The following LRCH2 variants were observed in gnomAD, a reference collection of about 807,000 sequenced individuals.
LRCH2 encodes the protein leucine rich repeats and calponin homology domain containing 2.
A neutral mutation model predicts 68.9 loss-of-function variants in LRCH2; 38 were observed. The observed-to-expected ratio is 0.55, with a 90% CI of 0.43 to 0.72. LRCH2 has a LOEUF of 0.72. LRCH2 is among the 30% of genes least tolerant of loss of function. The probability of loss-of-function intolerance (pLI) is 0.00; values close to 1 mark genes in which losing one functional copy is unlikely to be tolerated. For missense variants in LRCH2, 528 were observed against 572.9 expected, an observed-to-expected ratio of 0.92 and a Z score of 0.80; for synonymous variants, 191 against 208.1, an observed-to-expected ratio of 0.92 and a Z score of 0.71.
chrX:115,163,536 A>G (rs988923742), intron 11 of LRCH2, 140 bp downstream of exon 11: 1 of 391,976 alleles, frequency 2.6e-6, no homozygotes, highest in African/African-American at 2.5e-5. Context: ...GGAATACTCA[A>G]TCTGTAGTTA....
chrX:115,218,194 A>C, intron 1 of LRCH2, among the ~76,000 whole-genome samples: 1 of 111,646 alleles, frequency 9.0e-6, no homozygotes, highest in Non-Finnish European at 1.9e-5. Context: ...TTCATGTAAC[A>C]TTTTTTAAAC....
Position 115,191,743 on chromosome X carries a change from A to T in LRCH2, c.350-3373T>A, listed in dbSNP as rs782265928. ...CTACAGTGGGGGCCATGACAGTTCC[A>T]GCCGGAGCCACCGCTACGGAGGAGG... is the stretch of plus-strand genomic sequence containing the variant. On this transcript the variant is annotated intron_variant, in intron 1 of 20. Coordinates refer to ENST00000317135, the MANE Select transcript of LRCH2 (RefSeq NM_020871.4). 4.4e-5 allele frequency: 51 copies of T among 1,154,365 alleles called. No individual in the cohort carries two copies. In the East Asian group the frequency reaches 1.6e-3, roughly 35 times the overall value.
chrX:115,156,642 T>C lies in LRCH2; in HGVS notation c.1489A>G (p.Met497Val), dbSNP rs1388034574. The part of the protein sequence containing the change: ...NRILNHSTSV[M>V]RNKPKQTVEC... ...ACAGTTTGTTTTGGCTTGTTTCTCATCACAGAAGTTGAATGATTAAGAATC... is the reference window on the plus strand; with the variant it reads ...ACAGTTTGTTTTGGCTTGTTTCTCACCACAGAAGTTGAATGATTAAGAATC... Residue 497 changes from methionine to valine, a missense_variant, in exon 12 of 21, where the codon ATG (methionine) becomes GTG (valine). Physicochemically the swap from Met to Val is conservative, Grantham distance 21. Transcript: ENST00000317135. 7.0e-6 allele frequency: 8 copies of C among 1,136,367 alleles called. No individual in the cohort carries two copies. The highest frequency in any genetic ancestry group is 7.0e-6 in the Non-Finnish European group (6 of 857,202). 93.6% of individuals were successfully genotyped at this position (1,136,367 alleles called of 1,213,427 possible).
At chrX:115,228,930 T>A (rs782728013) in intron 1 of LRCH2, among the ~76,000 whole-genome samples, 3 of 111,241 alleles carry the variant, frequency 2.7e-5, no homozygotes, top group Non-Finnish European at 5.7e-5. Flanking sequence ...TATATTATAG[T>A]GAAATTCTTT....
chrX:115,197,145 C>T (rs184604711), intron 1 of LRCH2, among the ~76,000 whole-genome samples: 1 of 111,902 alleles, frequency 8.9e-6, no homozygotes, highest in African/African-American at 3.2e-5. Flanking sequence ...AAAAAAGTCC[C>T]CCATCCACGT....
In LRCH2 at chrX:115,206,764, G is replaced by A. The variant is rs181972686; in HGVS notation, c.350-18394C>T. Among the ~76,000 whole-genome samples the A allele has an allele frequency of 3.0e-3, 326 of 109,600 alleles. 1 individual carries two copies. The highest frequency in any genetic ancestry group is 0.011 in the African/African-American group (317 of 30,062). The stretch of plus-strand genomic sequence containing the variant: ...GTGTGTCTTTAATTCCTCTAGCGCC[G>A]CTGGGTTAGGGTCTCCACAACTGAG... On this transcript the variant is annotated intron_variant, in intron 1 of 20. Coordinates refer to ENST00000317135, the MANE Select transcript of LRCH2 (RefSeq NM_020871.4).
intron 3 of LRCH2, among the ~76,000 whole-genome samples, 189 bp from the exon 4 acceptor site, chrX:115,179,940 T>G (rs1487669352): frequency 9.0e-6 from 1 of 110,761 alleles, no homozygotes; most frequent in Non-Finnish European, 1.9e-5. Context: ...GCCGACCTAG[T>G]ACAGTAAATA....
intron 20 of LRCH2, among the ~76,000 whole-genome samples, chrX:115,118,187 A>C (rs1379585603): frequency 9.1e-6 from 1 of 110,351 alleles, no homozygotes; most frequent in Non-Finnish European, 1.9e-5. Flanking sequence ...TCTCTAAAAA[A>C]AGGGTTTTTT....
rs1210287643 is a variant in LRCH2, at chrX:115,136,460, AT to A, written c.1696-6262del. Among the ~76,000 whole-genome samples the A allele has an allele frequency of 2.7e-5, 3 of 109,655 alleles. No individual in the cohort carries two copies. The Admixed American group carries it at 2.9e-4, about 11-fold the overall frequency. ...GATATCTAAACAGTTGTTACACTATATTTTTTATTTGTATTATTTTTACCTT... is the reference window on the plus strand; with the variant it reads ...GATATCTAAACAGTTGTTACACTATATTTTTATTTGTATTATTTTTACCTT... On this transcript the variant is annotated intron_variant, in intron 14 of 20. Coordinates refer to ENST00000317135, the MANE Select transcript of LRCH2 (RefSeq NM_020871.4).
chrX:115,135,856 T>C (rs1199145272), intron 14 of LRCH2, among the ~76,000 whole-genome samples: 3 of 112,132 alleles, frequency 2.7e-5, no homozygotes, highest in Non-Finnish European at 5.6e-5. Context: ...GCTCAGATAA[T>C]TGTGAGTAAT....
At chrX:115,190,703 G>A (rs2072793442) in intron 1 of LRCH2, 2 of 1,147,652 alleles carry the variant, frequency 1.7e-6, no homozygotes, top group East Asian at 3.3e-5. Context: ...GGAGGAGAAG[G>A]CCGCTATGAG....
In LRCH2 at chrX:115,231,535, T is replaced by C. The variant is rs187082641; in HGVS notation, c.349+2158A>G. Reference sequence around the variant, plus strand: ...AATGAAAAAAAAGAGCAGCACAAGATCTTGTTTACTCTGATTTTTGAAATG... The same window carrying C: ...AATGAAAAAAAAGAGCAGCACAAGACCTTGTTTACTCTGATTTTTGAAATG... On this transcript the variant is annotated intron_variant, in intron 1 of 20. Coordinates refer to ENST00000317135, the MANE Select transcript of LRCH2 (RefSeq NM_020871.4). Among the ~76,000 whole-genome samples the C allele has an allele frequency of 1.1e-3, 127 of 111,729 alleles. 1 individual carries two copies. The highest frequency in any genetic ancestry group is 2.1e-3 in the Non-Finnish European group (109 of 53,093).
chrX:115,143,217 T>G (rs781889475), intron 14 of LRCH2, among the ~76,000 whole-genome samples: 1 of 111,413 alleles, frequency 9.0e-6, no homozygotes, highest in Non-Finnish European at 1.9e-5. Context: ...ACTGAGAAGA[T>G]AAACAAAATT....
At chrX:115,145,691 C>T (rs1556535828) in intron 14 of LRCH2, among the ~76,000 whole-genome samples, 1 of 111,754 alleles carries the variant, frequency 8.9e-6, no homozygotes, top group Admixed American at 9.5e-5. Context: ...CGAAAAGGTG[C>T]TCAACATCAT....
intron 1 of LRCH2, among the ~76,000 whole-genome samples, chrX:115,224,503 T>G (rs2073105773): frequency 9.1e-6 from 1 of 109,445 alleles, no homozygotes; most frequent in African/African-American, 3.3e-5. Context: ...GGCAACATGA[T>G]GAAACCCTGT....
intron 12 of LRCH2, among the ~76,000 whole-genome samples, chrX:115,153,274 T>C (rs138528940): frequency 0.11 from 11,453 of 108,278 alleles, 606 homozygotes; most frequent in Non-Finnish European, 0.16. Context: ...CAGTGAGCTG[T>C]GATGGCGCCA....
rs888668571 is a variant in LRCH2 at position 115,111,305 on chromosome X, C to T, written c.*1911G>A. On this transcript the variant is annotated 3_prime_UTR_variant, in exon 21 of 21. Transcript: ENST00000317135. ...TGAAATGTTATAAGAAAATGGCCTA[C>T]AATTTCACTACTACTTCAAAGATAT... is the stretch of plus-strand genomic sequence containing the variant. 2 of 110,721 alleles carry T rather than the reference C, an allele frequency of 1.8e-5. No homozygotes were observed. The highest frequency in any genetic ancestry group is 2.0e-4 in the Admixed American group (2 of 10,220). The allele number at this position is 110,721 out of a possible 1,213,427, so 9.1% of individuals were successfully genotyped here.
rs140989048 is a variant in LRCH2 at position 115,139,686 on chromosome X, G to T, written c.1696-9487C>A. ...CAGGGAGAGAAAGCCTGTATACTTG[G>T]GGGAGGGAGAGCACAGGGACTGGGG... On this transcript the variant is annotated intron_variant, in intron 14 of 20. Coordinates refer to ENST00000317135, the MANE Select transcript of LRCH2 (RefSeq NM_020871.4). Among the ~76,000 whole-genome samples the T allele has an allele frequency of 4.5e-3, 497 of 111,022 alleles. 4 individuals are homozygous for T. Among genetic ancestry groups the T allele is most frequent in the African/African-American group, 0.015 (458 of 30,509 alleles).
Position 115,233,681 on chromosome X carries a change from C to T in LRCH2, c.349+12G>A, listed in dbSNP as rs368872702. On this transcript the variant is annotated intron_variant, in intron 1 of 20. Coordinates refer to ENST00000317135, the MANE Select transcript of LRCH2 (RefSeq NM_020871.4). ...CCTTCACAGCCAGCTTCCCCTCCCCCCGTCCTGTCACCTGCTTGGGTGGTG... is the reference window on the plus strand; with the variant it reads ...CCTTCACAGCCAGCTTCCCCTCCCCTCGTCCTGTCACCTGCTTGGGTGGTG... 8.8e-7 allele frequency: 1 copy of T among 1,131,607 alleles called. No individual in the cohort carries two copies. Among genetic ancestry groups the T allele is most frequent in the South Asian group, 2.1e-5 (1 of 46,798 alleles). The allele number at this position is 1,131,607 out of a possible 1,213,427, so 93.3% of individuals were successfully genotyped here. A position where few individuals can be genotyped will look rare whatever the true frequency, so the allele number is the denominator to read the frequency against.
Sources: allele counts gnomAD v4.1 joint callset (sites outside exome capture counted in the v4.1 genomes callset), GRCh38; gene constraint gnomAD v4.1.1; transcripts MANE v1.5; gene names NCBI Gene and HGNC (gene_info 2026-07-23, HGNC 2026-07-21).